Variants in ABHD2 observed in about 807,000 individuals in gnomAD.
ABHD2 encodes abhydrolase domain containing 2, acylglycerol lipase, also known as monoacylglycerol lipase ABHD2.
In ABHD2, 20 loss-of-function variants were observed where a neutral mutation model predicts 48.1. The ratio of observed to expected loss-of-function variants is 0.42; its 90% CI spans 0.29 to 0.60. The LOEUF is 0.60. Among genes scored for constraint, ABHD2 ranks in the 20% least tolerant of loss-of-function variants. The probability of loss-of-function intolerance (pLI) is 0.24; values close to 1 mark genes in which losing one functional copy is unlikely to be tolerated. For missense variants in ABHD2, 405 were observed against 550.9 expected, an observed-to-expected ratio of 0.74 and a Z score of 2.65; for synonymous variants, 209 against 214.2, an observed-to-expected ratio of 0.98 and a Z score of 0.21.
chr15:89,149,603 C>A (rs894453785), intron 3 of ABHD2, among the ~76,000 whole-genome samples: 1 of 152,106 alleles, frequency 6.6e-6, no homozygotes, highest in Non-Finnish European at 1.5e-5. Context: ...GGCAACCCCC[C>A]CAGCAACCTG....
intron 3 of ABHD2, among the ~76,000 whole-genome samples, chr15:89,142,478 A>G (rs1274354996): frequency 6.6e-6 from 1 of 152,232 alleles, no homozygotes; most frequent in African/African-American, 2.4e-5. Flanking sequence ...TCCGGGTGAC[A>G]TAATTTCTTT....
chr15:89,077,975 G>A, the ABHD2 span, among the ~76,000 whole-genome samples: 1 of 152,124 alleles, frequency 6.6e-6, no homozygotes, highest in East Asian at 1.9e-4. Context: ...TTCTAGTAAT[G>A]ATGTCATATT....
At chr15:89,054,878 A>T in the ABHD2 span, among the ~76,000 whole-genome samples, 25 of 152,298 alleles carry the variant, frequency 1.6e-4, no homozygotes, top group East Asian at 4.4e-3. Flanking sequence ...TAAATAAATT[A>T]AAAATTGTCA....
intron 3 of ABHD2, among the ~76,000 whole-genome samples, chr15:89,143,383 T>G (rs781223866): frequency 2.6e-5 from 4 of 152,182 alleles, no homozygotes; most frequent in Non-Finnish European, 5.9e-5. Flanking sequence ...TTAAAAAAAG[T>G]GTGGCCAAGT....
intron 4 of ABHD2, among the ~76,000 whole-genome samples, chr15:89,153,927 T>C (rs2050631639): frequency 6.6e-6 from 1 of 152,236 alleles, no homozygotes; most frequent in Non-Finnish European, 1.5e-5. Context: ...TTGCTTAATA[T>C]TCTACAATGT....
chr15:89,055,957 G>A, the ABHD2 span, among the ~76,000 whole-genome samples: 8 of 151,884 alleles, frequency 5.3e-5, no homozygotes, highest in Non-Finnish European at 8.8e-5. Flanking sequence ...TTGACCTCCC[G>A]GGCTCACACA....
At chr15:89,052,546 GACAGACAGACAGACAC>G in the ABHD2 span, among the ~76,000 whole-genome samples, 3 of 137,058 alleles carry the variant, frequency 2.2e-5, no homozygotes, top group African/African-American at 5.9e-5. Context: ...CAGACAGACA[GACAGACAGACAGACAC>G]ACACACACAC....
At chr15:89,103,300 C>T (rs2049730041) in intron 1 of ABHD2, among the ~76,000 whole-genome samples, 1 of 152,148 alleles carries the variant, frequency 6.6e-6, no homozygotes, top group Non-Finnish European at 1.5e-5. Context: ...AAGCATTTTA[C>T]GAACCTTATC....
chr15:89,087,432 A>G (rs1901398803), upstream of ABHD2: 2 of 152,172 alleles, frequency 1.3e-5, no homozygotes, highest in Admixed American at 1.3e-4. This position sits in a 1 kb window ranked among gnomAD's most constrained non-coding sequence, Gnocchi z 5.5. Context: ...CAAGTGTTCT[A>G]TTCTTGGTAC....
chr15:89,151,923 A>G lies in ABHD2; in HGVS notation c.370+71A>G. 6.5e-7 allele frequency: 1 copy of G among 1,546,522 alleles called. No homozygotes were observed. The highest frequency in any genetic ancestry group is 8.8e-7 in the Non-Finnish European group (1 of 1,142,012). On this transcript the variant is annotated intron_variant, in intron 4 of 10. Coordinates refer to ENST00000352732, the MANE Select transcript of ABHD2 (RefSeq NM_152924.5). The surrounding 1 kb of genome is among the most constrained non-coding windows in gnomAD (Gnocchi z 4.7). ...AGCACTAGTCAGTGGAGAGCACAGC[A>G]GTGTGAATACTTGTGCCACTGACTC...
rs2050976623 is a variant in ABHD2, at chr15:89,174,368, G to T, written c.539-1444G>T. On this transcript the variant is annotated intron_variant, in intron 5 of 10. Coordinates refer to ENST00000352732, the MANE Select transcript of ABHD2 (RefSeq NM_152924.5). This position sits in a 1 kb window ranked among gnomAD's most constrained non-coding sequence, Gnocchi z 4.1. ...AAAACAAAGTCACTATAGATTCCTG[G>T]GCTTGGTCCCCATCTTACAGAATCA... Among the ~76,000 whole-genome samples the T allele has an allele frequency of 6.6e-6, 1 of 152,094 alleles. No individual in the cohort carries two copies. Among genetic ancestry groups the T allele is most frequent in the African/African-American group, 2.4e-5 (1 of 41,408 alleles).
intron 4 of ABHD2, among the ~76,000 whole-genome samples, chr15:89,154,168 C>A (rs952086278): frequency 1.3e-5 from 2 of 152,134 alleles, no homozygotes; most frequent in African/African-American, 4.8e-5. Flanking sequence ...TGATCTACAG[C>A]CTTGAACTAC....
chr15:89,084,872 A>C (rs949984570), upstream of ABHD2, among the ~76,000 whole-genome samples: 4 of 152,184 alleles, frequency 2.6e-5, no homozygotes, highest in African/African-American at 9.7e-5. The surrounding 1 kb of genome is among the most constrained non-coding windows in gnomAD (Gnocchi z 4.4). Context: ...TTTACAGAAG[A>C]AAGTAGGGCA....
chr15:89,085,455 G>A (rs138213992), upstream of ABHD2, among the ~76,000 whole-genome samples: 1 of 152,096 alleles, frequency 6.6e-6, no homozygotes, highest in Non-Finnish European at 1.5e-5. This position sits in a 1 kb window ranked among gnomAD's most constrained non-coding sequence, Gnocchi z 4.2. Flanking sequence ...CAAGCAGAAG[G>A]GAGGAAACAG....
rs1225714819 is a variant in ABHD2 at position 89,137,273 on chromosome 15, G to C, written c.195-14404G>C. ...GCCTAGGGAGGATGTGACCAGTTCCGCGTGCTGTTTGTGAACAGGAAGATA... is the reference window on the plus strand; with the variant it reads ...GCCTAGGGAGGATGTGACCAGTTCCCCGTGCTGTTTGTGAACAGGAAGATA... On this transcript the variant is annotated intron_variant, in intron 3 of 10. Transcript: ENST00000352732. This position sits in a 1 kb window ranked among gnomAD's most constrained non-coding sequence, Gnocchi z 4.8. Among the ~76,000 whole-genome samples, 1 of 152,198 alleles carries C rather than the reference G, an allele frequency of 6.6e-6. No homozygotes were observed. Among genetic ancestry groups the C allele is most frequent in the Non-Finnish European group, 1.5e-5 (1 of 68,044 alleles).
At chr15:89,112,564 T>C (rs1261096409) in intron 1 of ABHD2, among the ~76,000 whole-genome samples, 1 of 152,226 alleles carries the variant, frequency 6.6e-6, no homozygotes, top group Non-Finnish European at 1.5e-5. Flanking sequence ...GCAAGACTGT[T>C]CTGAAGGTTA....
intron 3 of ABHD2, among the ~76,000 whole-genome samples, chr15:89,145,987 A>G (rs1183197004): frequency 2.6e-5 from 4 of 152,146 alleles, no homozygotes; most frequent in East Asian, 1.9e-4. Flanking sequence ...TCTGACAGAA[A>G]CTTCAAATGC....
chr15:89,172,716 C>G (rs1596144082), intron 5 of ABHD2, among the ~76,000 whole-genome samples: 1 of 152,314 alleles, frequency 6.6e-6, no homozygotes, highest in African/African-American at 2.4e-5. Flanking sequence ...CTCTAAACAA[C>G]TCTACGAAGT....
intron 3 of ABHD2, among the ~76,000 whole-genome samples, chr15:89,128,462 A>G (rs2050169881): frequency 6.6e-6 from 1 of 152,176 alleles, no homozygotes; most frequent in Non-Finnish European, 1.5e-5. Flanking sequence ...TGCCATTGAC[A>G]CATATCCACG....
Sources: allele counts gnomAD v4.1 joint callset (sites outside exome capture counted in the v4.1 genomes callset), GRCh38; gene constraint gnomAD v4.1.1; non-coding constraint Gnocchi (gnomAD v3.1); transcripts MANE v1.5; gene names NCBI Gene and HGNC (gene_info 2026-07-23, HGNC 2026-07-21).